Variants in FSTL5 observed in about 807,000 individuals in gnomAD.
The protein encoded by FSTL5 is follistatin-related protein 5.
Under a neutral mutation model 89.1 loss-of-function variants are expected in FSTL5, and 62 were observed. The ratio of observed to expected loss-of-function variants is 0.70; its 90% CI spans 0.57 to 0.86. FSTL5 has a LOEUF of 0.86. Among genes scored for constraint, FSTL5 ranks in the 40% least tolerant of loss-of-function variants. The pLI, the probability that FSTL5 is intolerant of heterozygous loss-of-function variation, is 0.00. For missense variants in FSTL5, 1,057 were observed against 1,001.6 expected, an observed-to-expected ratio of 1.06 and a Z score of -0.75; for synonymous variants, 383 against 346.2, an observed-to-expected ratio of 1.11 and a Z score of -1.18.
intron 7 of FSTL5, among the ~76,000 whole-genome samples, chr4:161,610,623 T>C (rs1284962104): frequency 6.6e-6 from 1 of 152,116 alleles, no homozygotes; most frequent in Non-Finnish European, 1.5e-5. Flanking sequence ...AGGCAACAGT[T>C]TCCTTATCCT....
In FSTL5 at chr4:161,577,538, C is replaced by T. The variant is rs147442296; in HGVS notation, c.1015+9917G>A. On this transcript the variant is annotated intron_variant, in intron 8 of 15. Coordinates refer to ENST00000306100, the MANE Select transcript of FSTL5 (RefSeq NM_020116.5). The stretch of plus-strand genomic sequence containing the variant: ...ATTGTCTTGGCTTTCTTCCTGGCGG[C>T]ATCCATTGACATTGATGCAGAAAGA... Among the ~76,000 whole-genome samples the T allele has an allele frequency of 7.7e-3, 1,145 of 149,368 alleles. 12 individuals are homozygous for T. The highest frequency in any genetic ancestry group is 0.012 in the Non-Finnish European group (796 of 67,646).
At chr4:161,981,960 G>A (rs457505) in intron 3 of FSTL5, among the ~76,000 whole-genome samples, 1 of 151,968 alleles carries the variant, frequency 6.6e-6, no homozygotes, top group African/African-American at 2.4e-5. Context: ...CTGTTAGGAA[G>A]AGATAATATT....
At chr4:161,447,004 G>A (rs1732967856) in intron 15 of FSTL5, among the ~76,000 whole-genome samples, 1 of 151,924 alleles carries the variant, frequency 6.6e-6, no homozygotes, top group South Asian at 2.1e-4. Flanking sequence ...GTATACCATA[G>A]CTGTCTCTTA....
At chr4:161,675,795 T>C (rs547247965) in intron 6 of FSTL5, among the ~76,000 whole-genome samples, 64 of 152,138 alleles carry the variant, frequency 4.2e-4, no homozygotes, top group African/African-American at 1.5e-3. Context: ...CGCTATCTGA[T>C]AGAAATTTTC....
intron 7 of FSTL5, among the ~76,000 whole-genome samples, chr4:161,611,141 T>A (rs1204001486): frequency 6.7e-6 from 1 of 148,290 alleles, no homozygotes; most frequent in East Asian, 2.0e-4. Context: ...TATATATGTA[T>A]CTATATATAT....
intron 2 of FSTL5, chr4:162,047,223 G>C (rs1180847656): frequency 6.6e-6 from 1 of 152,094 alleles, no homozygotes; most frequent in Admixed American, 6.5e-5. Flanking sequence ...CTGGGAGACA[G>C]AGAATTGGTT....
intron 5 of FSTL5, 75 bp downstream of exon 5, chr4:161,775,803 A>G: frequency 1.4e-6 from 1 of 736,070 alleles, no homozygotes; most frequent in Non-Finnish European, 2.1e-6. Context: ...TTCATTATAG[A>G]GTAAATTTAG....
chr4:162,064,448 A>G (rs900704126), intron 2 of FSTL5, among the ~76,000 whole-genome samples: 1 of 152,066 alleles, frequency 6.6e-6, no homozygotes, highest in Non-Finnish European at 1.5e-5. Flanking sequence ...TCTCTCTAAC[A>G]TAGACGGACC....
At chr4:162,125,122 T>C (rs1156905829) in intron 1 of FSTL5, among the ~76,000 whole-genome samples, 1 of 152,192 alleles carries the variant, frequency 6.6e-6, no homozygotes, top group Non-Finnish European at 1.5e-5. Flanking sequence ...ATAAAGCAAG[T>C]AGGGCCGTTA....
rs535870070 is a variant in FSTL5 at position 161,433,179 on chromosome 4, G to A, written c.1841+21825C>T. 4.7e-5 allele frequency among the ~76,000 whole-genome samples: 7 copies of A among 149,532 alleles called. No individual in the cohort carries two copies. In the East Asian group the frequency reaches 1.4e-3, roughly 29 times the overall value. ...GAACATTGATGTAAAAATCCTCAATGAAATATGAGCAAACTAAGTTCAATA... is the reference window on the plus strand; with the variant it reads ...GAACATTGATGTAAAAATCCTCAATAAAATATGAGCAAACTAAGTTCAATA... On this transcript the variant is annotated intron_variant, in intron 15 of 15. Coordinates refer to ENST00000306100, the MANE Select transcript of FSTL5 (RefSeq NM_020116.5).
At chr4:161,452,539 G>T (rs1733202153) in intron 15 of FSTL5, among the ~76,000 whole-genome samples, 1 of 151,864 alleles carries the variant, frequency 6.6e-6, no homozygotes, top group Non-Finnish European at 1.5e-5. Context: ...CATTGCTCAG[G>T]TGTTCCTGAT....
intron 4 of FSTL5, among the ~76,000 whole-genome samples, chr4:161,846,467 T>C (rs535369165): frequency 1.3e-5 from 2 of 152,204 alleles, no homozygotes; most frequent in South Asian, 4.1e-4. Context: ...ATTTATACAG[T>C]TTTACAGGTA....
chr4:161,693,244 A>C (rs1002415145), intron 6 of FSTL5, among the ~76,000 whole-genome samples: 9 of 152,206 alleles, frequency 5.9e-5, no homozygotes, highest in African/African-American at 2.2e-4. Flanking sequence ...ATTCATAAGG[A>C]ATATTAAATT....
chr4:161,633,408 G>A (rs571870942), intron 7 of FSTL5, among the ~76,000 whole-genome samples: 22 of 151,472 alleles, frequency 1.5e-4, no homozygotes, highest in South Asian at 2.1e-4. Context: ...GTGCAGTGGC[G>A]CGATCGCGGC....
chr4:161,439,275 AC>A (rs1359072453), intron 15 of FSTL5, among the ~76,000 whole-genome samples: 3 of 152,236 alleles, frequency 2.0e-5, no homozygotes, highest in Non-Finnish European at 4.4e-5. Flanking sequence ...GGCTATGTAA[AC>A]GAAGGGAAGG....
intron 4 of FSTL5, among the ~76,000 whole-genome samples, chr4:161,901,127 G>A (rs141530545): frequency 0.01 from 1,573 of 151,250 alleles, 32 homozygotes; most frequent in African/African-American, 0.036. Context: ...TCCAGATGCT[G>A]AGCTATAACA....
At chr4:161,704,006 T>C (rs898935741) in intron 6 of FSTL5, among the ~76,000 whole-genome samples, 2 of 152,102 alleles carry the variant, frequency 1.3e-5, no homozygotes, top group Non-Finnish European at 2.9e-5. Flanking sequence ...TAACAACCTC[T>C]TGTGAAATAA....
intron 1 of FSTL5, among the ~76,000 whole-genome samples, chr4:162,129,159 C>A (rs1732199348): frequency 6.6e-6 from 1 of 152,178 alleles, no homozygotes; most frequent in Non-Finnish European, 1.5e-5. Context: ...TCTTGAACTC[C>A]TGACCTCAGG....
At chr4:161,496,611 T>G (rs1402999734) in intron 12 of FSTL5, among the ~76,000 whole-genome samples, 2 of 152,188 alleles carry the variant, frequency 1.3e-5, no homozygotes. Flanking sequence ...TGTGTAGGTT[T>G]CCAGACTGAT....
Sources: allele counts gnomAD v4.1 joint callset (sites outside exome capture counted in the v4.1 genomes callset), GRCh38; gene constraint gnomAD v4.1.1; transcripts MANE v1.5; gene names NCBI Gene and HGNC (gene_info 2026-07-23, HGNC 2026-07-21).